ARHGAP28: variants seen among roughly 807,000 people sequenced by gnomAD.
ARHGAP28 encodes the protein Rho GTPase activating protein 28.
A neutral mutation model predicts 90.7 loss-of-function variants in ARHGAP28; 56 were observed. The observed-to-expected ratio is 0.62, with a 90% CI of 0.50 to 0.77. The LOEUF (loss-of-function observed/expected upper bound fraction) is 0.77. ARHGAP28 is among the 30% of genes least tolerant of loss of function. The pLI, the probability that ARHGAP28 is intolerant of heterozygous loss-of-function variation, is 0.00. For synonymous variants in ARHGAP28, 308 were observed against 323.3 expected, an observed-to-expected ratio of 0.95 and a Z score of 0.51; for missense variants, 869 against 900.9, an observed-to-expected ratio of 0.96 and a Z score of 0.45.
At chr18:6,839,292 A>ATT (rs368008575) in intron 3 of ARHGAP28, among the ~76,000 whole-genome samples, 55,001 of 133,810 alleles carry the variant, frequency 0.41, 13,223 homozygotes, top group Non-Finnish European at 0.53. Flanking sequence ...AACCAGCATA[A>ATT]TTTTTTTTTT....
chr18:6,907,654 G>C (rs1350765250), intron 16 of ARHGAP28, among the ~76,000 whole-genome samples: 1 of 152,186 alleles, frequency 6.6e-6, no homozygotes, highest in Non-Finnish European at 1.5e-5. Context: ...ATGGAGATAG[G>C]GTAGGATGGG....
chr18:6,807,916 C>T (rs2056530571), intron 1 of ARHGAP28, among the ~76,000 whole-genome samples: 1 of 152,204 alleles, frequency 6.6e-6, no homozygotes, highest in African/African-American at 2.4e-5. Flanking sequence ...TGGAAGCTCT[C>T]CCTAAGCAAT....
intron 1 of ARHGAP28, among the ~76,000 whole-genome samples, chr18:6,783,698 C>T (rs2056345215): frequency 6.6e-6 from 1 of 152,218 alleles, no homozygotes; most frequent in African/African-American, 2.4e-5. Context: ...GCGGGGAGCT[C>T]ATCCACAAGC....
chr18:6,841,203 C>CTCTCTCTCTCTCTCTCTCT (rs754874496), intron 3 of ARHGAP28, among the ~76,000 whole-genome samples: 28 of 41,966 alleles, frequency 6.7e-4, no homozygotes, highest in African/African-American at 3.2e-3. Flanking sequence ...CTCTCTCTCT[C>CTCTCTCTCTCTCTCTCTCT]CTCTCCTCTC....
intron 14 of ARHGAP28, 50 bp downstream of exon 14, chr18:6,890,593 T>G: frequency 8.9e-7 from 1 of 1,120,374 alleles, no homozygotes; most frequent in Non-Finnish European, 1.3e-6. Flanking sequence ...AGATTTGTAC[T>G]CCTCAAAGGG....
chr18:6,868,190 A>G lies in ARHGAP28; in HGVS notation c.767A>G (p.Asn256Ser), dbSNP rs765143625. The G allele has an allele frequency of 7.4e-6, 12 of 1,614,038 alleles. No homozygotes were observed. Among genetic ancestry groups the G allele is most frequent in the Admixed American group, 6.7e-5 (4 of 60,004 alleles). Residue 256 changes from asparagine (N) to serine (S), a missense_variant, in exon 6 of 18, where the codon AAT becomes AGT. Coordinates refer to ENST00000383472, the MANE Select transcript of ARHGAP28 (RefSeq NM_001366230.1). ...ETIPVLPVHS[N>S]GSPEPGQPVQ... is the part of the protein sequence containing the mutation. ...ATTCCAGTTCTACCAGTTCATTCCA[A>G]TGGATCACCGGAGCCTGGACAGCCA...
intron 1 of ARHGAP28, among the ~76,000 whole-genome samples, chr18:6,783,672 C>T (rs1024860726): frequency 2.0e-5 from 3 of 152,192 alleles, no homozygotes; most frequent in African/African-American, 7.2e-5. Context: ...TACTCTCCTA[C>T]ACTTTGAGAC....
chr18:6,742,959 A>C (rs11873962), intron 1 of ARHGAP28, among the ~76,000 whole-genome samples: 32,266 of 152,114 alleles, frequency 0.21, 3,652 homozygotes, highest in South Asian at 0.36. Context: ...CAGATTAAGT[A>C]GTGTGGATAT....
At chr18:6,851,186 G>T (rs916706707) in intron 4 of ARHGAP28, 60 bp downstream of exon 4, 1 of 1,511,752 alleles carries the variant, frequency 6.6e-7, no homozygotes, top group Non-Finnish European at 9.1e-7. Context: ...CTTCAAGATG[G>T]TTGAGCAAAA....
At chr18:6,733,382 T>C (rs1301822843) in intron 1 of ARHGAP28, among the ~76,000 whole-genome samples, 1 of 152,166 alleles carries the variant, frequency 6.6e-6, no homozygotes, top group Non-Finnish European at 1.5e-5. Flanking sequence ...ACATATTTCC[T>C]TTTGAGCTTT....
At chr18:6,890,668 T>A in intron 14 of ARHGAP28, 125 bp downstream of exon 14, 1 of 576,416 alleles carries the variant, frequency 1.7e-6, no homozygotes, top group South Asian at 2.8e-5. Context: ...GGGAGTGTTG[T>A]AACTATAAAC....
intron 5 of ARHGAP28, among the ~76,000 whole-genome samples, chr18:6,867,621 A>G (rs1600264064): frequency 6.6e-6 from 1 of 152,242 alleles, no homozygotes; most frequent in South Asian, 2.1e-4. Context: ...TTAAGAGGGG[A>G]AATTGAATTA....
At chr18:6,735,876 A>C (rs893978483) in intron 1 of ARHGAP28, among the ~76,000 whole-genome samples, 1 of 152,092 alleles carries the variant, frequency 6.6e-6, no homozygotes, top group Non-Finnish European at 1.5e-5. Flanking sequence ...TTTCGATGAG[A>C]AATCTGTGGA....
At chr18:6,775,416 A>G (rs559017718) in intron 1 of ARHGAP28, among the ~76,000 whole-genome samples, 2 of 152,300 alleles carry the variant, frequency 1.3e-5, no homozygotes, top group South Asian at 2.1e-4. Flanking sequence ...CTTTGACTCT[A>G]TTGAACTTGC....
intron 1 of ARHGAP28, among the ~76,000 whole-genome samples, chr18:6,800,166 C>A (rs1268253329): frequency 6.6e-6 from 1 of 152,212 alleles, no homozygotes; most frequent in Non-Finnish European, 1.5e-5. Flanking sequence ...GAGATACAAT[C>A]TTATGCCAGT....
At chr18:6,791,075 T>G (rs1177998269) in intron 1 of ARHGAP28, 2 of 152,134 alleles carry the variant, frequency 1.3e-5, no homozygotes, top group African/African-American at 4.8e-5. Flanking sequence ...ATAGGATATA[T>G]ATATATAAAG....
chr18:6,764,471 A>G (rs1191025432), intron 1 of ARHGAP28, among the ~76,000 whole-genome samples: 1 of 152,282 alleles, frequency 6.6e-6, no homozygotes, highest in African/African-American at 2.4e-5. Context: ...AGAGAGGCTT[A>G]AAGTGTTGTT....
intron 3 of ARHGAP28, among the ~76,000 whole-genome samples, chr18:6,841,145 T>A (rs1252323902): frequency 8.2e-6 from 1 of 121,910 alleles, no homozygotes; most frequent in Non-Finnish European, 1.8e-5. Flanking sequence ...TCTCTCACTG[T>A]CTCTCTCCTC....
chr18:6,869,678 G>GT (rs1478389392), intron 6 of ARHGAP28, among the ~76,000 whole-genome samples: 1 of 152,124 alleles, frequency 6.6e-6, no homozygotes, highest in African/African-American at 2.4e-5. Flanking sequence ...TAATTTTAAT[G>GT]TAAAATTAAC....
Sources: allele counts gnomAD v4.1 joint callset (sites outside exome capture counted in the v4.1 genomes callset), GRCh38; gene constraint gnomAD v4.1.1; transcripts MANE v1.5; gene names NCBI Gene and HGNC (gene_info 2026-07-23, HGNC 2026-07-21).